TRDN: variants seen among roughly 807,000 people sequenced by gnomAD.
TRDN encodes the protein triadin in skeletal muscle.
Under a neutral mutation model 149.7 loss-of-function variants are expected in TRDN, and 161 were observed. The ratio of observed to expected loss-of-function variants is 1.08; its 90% CI spans 0.95 to 1.23. The LOEUF (loss-of-function observed/expected upper bound fraction) is 1.23. Among genes scored for constraint, TRDN ranks in the 50% most tolerant of loss-of-function variants. TRDN has a pLI of 0.00. For synonymous variants in TRDN, 294 were observed against 250.5 expected, an observed-to-expected ratio of 1.17 and a Z score of -1.64; for missense variants, 896 against 823.5, an observed-to-expected ratio of 1.09 and a Z score of -1.08.
chr6:123,589,711 C>T (rs1783689865), intron 1 of TRDN, among the ~76,000 whole-genome samples: 1 of 152,134 alleles, frequency 6.6e-6, no homozygotes, highest in Admixed American at 6.5e-5. Context: ...GACAGTCCCC[C>T]TCCTTCAAAG....
chr6:123,512,241 C>T (rs1201731752), intron 7 of TRDN, 62 bp downstream of exon 7: 3 of 998,160 alleles, frequency 3.0e-6, no homozygotes, highest in Non-Finnish European at 4.4e-6. Context: ...ATCTGTTACC[C>T]AAAAATTAAT....
Position 123,229,337 on chromosome 6 carries a change from G to A in TRDN, c.1976-5206C>T, listed in dbSNP as rs1775506531. Among the ~76,000 whole-genome samples the A allele has an allele frequency of 2.0e-5, 3 of 151,884 alleles. No homozygotes were observed. In the South Asian group the frequency reaches 6.2e-4, roughly 31 times the overall value. Reference sequence around the variant, plus strand: ...ATTAAAAATCAATAAATTTACAATAGAAAGTCCTGGATTTTGTTTGGTCAA... The same window carrying A: ...ATTAAAAATCAATAAATTTACAATAAAAAGTCCTGGATTTTGTTTGGTCAA... On this transcript the variant is annotated intron_variant, in intron 38 of 40. Coordinates refer to ENST00000334268, the MANE Select transcript of TRDN (RefSeq NM_006073.4).
At chr6:123,289,357 G>A (rs1777918055) in intron 24 of TRDN, among the ~76,000 whole-genome samples, 1 of 151,952 alleles carries the variant, frequency 6.6e-6, no homozygotes, top group South Asian at 2.1e-4. Flanking sequence ...CGATGATGCT[G>A]ATAAAAGGGT....
rs551786401 is a variant in TRDN, at chr6:123,238,929, C to T, written c.1975+13483G>A. Among the ~76,000 whole-genome samples the T allele has an allele frequency of 9.9e-5, 15 of 152,248 alleles. No homozygotes were observed. In the East Asian group the frequency reaches 2.9e-3, roughly 29 times the overall value. Reference sequence around the variant, plus strand: ...AATCTCTGCTCACTGCAAACTCCACCTCCTGGGTTCAAGCGATTCTCCTGC... The same window carrying T: ...AATCTCTGCTCACTGCAAACTCCACTTCCTGGGTTCAAGCGATTCTCCTGC... On this transcript the variant is annotated intron_variant, in intron 38 of 40. Transcript: ENST00000334268.
At chr6:123,572,694 G>A (rs552089280) in intron 1 of TRDN, among the ~76,000 whole-genome samples, 1 of 151,932 alleles carries the variant, frequency 6.6e-6, no homozygotes, top group South Asian at 2.1e-4. Context: ...AAATATTTTT[G>A]CCAAAAGCAA....
At chr6:123,417,802 T>A (rs138909905) in intron 12 of TRDN, among the ~76,000 whole-genome samples, 52 of 152,264 alleles carry the variant, frequency 3.4e-4, no homozygotes, top group African/African-American at 1.2e-3. Context: ...CATATCACAG[T>A]ATTTGCCCTG....
At chr6:123,466,518 G>T (rs1373274450) in intron 9 of TRDN, among the ~76,000 whole-genome samples, 1 of 151,786 alleles carries the variant, frequency 6.6e-6, no homozygotes, top group Non-Finnish European at 1.5e-5. Flanking sequence ...CTCTCAGATT[G>T]CCTATGCTTA....
At chr6:123,595,338 G>T (rs1383169810) in intron 1 of TRDN, among the ~76,000 whole-genome samples, 3 of 152,016 alleles carry the variant, frequency 2.0e-5, no homozygotes, top group African/African-American at 7.2e-5. Flanking sequence ...GACACTTTCT[G>T]CAGTCATATC....
chr6:123,411,842 C>T (rs767625118), intron 12 of TRDN: 1 of 152,086 alleles, frequency 6.6e-6, no homozygotes, highest in Non-Finnish European at 1.5e-5. Context: ...AGAAGCCAGT[C>T]CATGAGCTGA....
intron 12 of TRDN, among the ~76,000 whole-genome samples, chr6:123,412,106 G>A (rs1282203905): frequency 6.6e-6 from 1 of 152,116 alleles, no homozygotes; most frequent in Non-Finnish European, 1.5e-5. Flanking sequence ...ACACTATAAC[G>A]CAGTACTATT....
intron 12 of TRDN, among the ~76,000 whole-genome samples, chr6:123,405,308 G>C (rs114441088): frequency 6.6e-6 from 1 of 152,196 alleles, no homozygotes; most frequent in African/African-American, 2.4e-5. Flanking sequence ...TAAAAGGCAA[G>C]TTATTGGTCT....
chr6:123,418,979 T>C (rs1369198167), intron 12 of TRDN, among the ~76,000 whole-genome samples: 2 of 152,044 alleles, frequency 1.3e-5, no homozygotes, highest in African/African-American at 2.4e-5. Flanking sequence ...GGAAGAGAGA[T>C]TCTGGTATTC....
intron 21 of TRDN, among the ~76,000 whole-genome samples, chr6:123,338,312 G>C (rs1361308369): frequency 2.0e-5 from 3 of 152,116 alleles, no homozygotes; most frequent in Non-Finnish European, 4.4e-5. Context: ...GGGAGGCCTG[G>C]ACAGGGCAGA....
chr6:123,499,518 G>T (rs1344257957), intron 8 of TRDN, among the ~76,000 whole-genome samples: 1 of 150,372 alleles, frequency 6.7e-6, no homozygotes, highest in Non-Finnish European at 1.5e-5. Flanking sequence ...AGCCTAGCCA[G>T]CATAGTGAAA....
intron 12 of TRDN, among the ~76,000 whole-genome samples, chr6:123,433,384 G>T (rs1332327455): frequency 6.6e-6 from 1 of 151,694 alleles, no homozygotes; most frequent in African/African-American, 2.4e-5. Context: ...TGGACATTTT[G>T]TCTTTATTCA....
intron 12 of TRDN, among the ~76,000 whole-genome samples, chr6:123,436,860 G>A (rs1393560579): frequency 6.6e-6 from 1 of 152,006 alleles, no homozygotes; most frequent in Non-Finnish European, 1.5e-5. Flanking sequence ...ATATACACAA[G>A]CCCTAGAAGA....
chr6:123,533,490 C>G (rs11966134), intron 4 of TRDN, among the ~76,000 whole-genome samples: 9,887 of 151,960 alleles, frequency 0.065, 1,083 homozygotes, highest in African/African-American at 0.23. Context: ...GTTTTGGGGA[C>G]TAGAAAGACG....
Position 123,516,170 on chromosome 6 carries a change from ACTTTTT to A in TRDN, c.515_520del (p.Glu172_Lys173del), listed in dbSNP as rs1429288578. 5 of 1,491,078 alleles carry A rather than the reference ACTTTTT, an allele frequency of 3.4e-6. No individual in the cohort carries two copies. The highest frequency in any genetic ancestry group is 5.2e-5 in the East Asian group (2 of 38,190). 92.4% of individuals were successfully genotyped at this position (1,491,078 alleles called of 1,614,324 possible). A position where few individuals can be genotyped will look rare whatever the true frequency, so the allele number is the denominator to read the frequency against. On this transcript the variant is annotated inframe_deletion, in exon 6 of 41. Coordinates refer to ENST00000334268, the MANE Select transcript of TRDN (RefSeq NM_006073.4). ...CTTTTCAGGTTTTTCTTTTTCTCTT[ACTTTTT>A]CTTTTCCTTTTTCTTTTTCTTTGTG...
intron 1 of TRDN, among the ~76,000 whole-genome samples, chr6:123,581,111 C>A (rs915980734): frequency 1.3e-5 from 2 of 152,124 alleles, no homozygotes; most frequent in African/African-American, 4.8e-5. Flanking sequence ...ATTCCTGAGA[C>A]ATTACAGGTG....
Sources: allele counts gnomAD v4.1 joint callset (sites outside exome capture counted in the v4.1 genomes callset), GRCh38; gene constraint gnomAD v4.1.1; transcripts MANE v1.5; gene names NCBI Gene and HGNC (gene_info 2026-07-23, HGNC 2026-07-21).